TAF8: variants seen among roughly 807,000 people sequenced by gnomAD.
TAF8 encodes TATA-box binding protein associated factor 8.
TAF8 carries 47 observed loss-of-function variants against 36.5 expected under a neutral mutation model. That is an observed-to-expected ratio of 1.29 (90% CI 1.02 to 1.64). The LOEUF is 1.64. Among genes scored for constraint, TAF8 ranks in the 40% most tolerant of loss-of-function variants. TAF8 has a pLI of 0.00. For missense variants in TAF8, 420 were observed against 407.6 expected, an observed-to-expected ratio of 1.03 and a Z score of -0.26; for synonymous variants, 175 against 159.5, an observed-to-expected ratio of 1.10 and a Z score of -0.73.
intron 7 of TAF8, among the ~76,000 whole-genome samples, chr6:42,072,822 A>G (rs2127462228): frequency 6.6e-6 from 1 of 151,862 alleles, no homozygotes; most frequent in Non-Finnish European, 1.5e-5. Context: ...TCCCGGGTTC[A>G]TGCCATTCTC....
rs773049161 is a variant in TAF8, at chr6:42,077,252, C to T, written c.920+13C>T. The T allele has an allele frequency of 3.1e-6, 5 of 1,609,712 alleles. No individual in the cohort carries two copies. Among genetic ancestry groups the T allele is most frequent in the South Asian group, 1.1e-5 (1 of 90,582 alleles). ...TCCGCAGGAAGAAGTGAGTTGGAGG[C>T]TGGGGTCCAGAGAGCCTTCACTGTC... On this transcript the variant is annotated intron_variant, in intron 8 of 8. Coordinates refer to ENST00000372977, the MANE Select transcript of TAF8 (RefSeq NM_138572.3).
rs567510525 is a variant in TAF8, at chr6:42,055,610, G to A, written c.282G>A (p.Val94=). Residue 94 remains valine (V), a synonymous_variant, in exon 3 of 9, where the codon GTG becomes GTA. Coordinates refer to ENST00000372977, the MANE Select transcript of TAF8 (RefSeq NM_138572.3). ...CCCAGCCCACACTGTCCGATATCGT[G>A]GTCACACTTGTTGAGATGGGTGAGT... ...ARTQPTLSDI[V]VTLVEMGFNV... 1 of 1,614,102 alleles carries A rather than the reference G, an allele frequency of 6.2e-7. No individual in the cohort carries two copies. The highest frequency in any genetic ancestry group is 1.3e-5 in the African/African-American group (1 of 75,024).
chr6:42,058,428 AC>A (rs1765081477), intron 5 of TAF8, among the ~76,000 whole-genome samples: 1 of 152,078 alleles, frequency 6.6e-6, no homozygotes, highest in Non-Finnish European at 1.5e-5. Context: ...GGAACTTATC[AC>A]TCTGAGCTCT....
intron 7 of TAF8, among the ~76,000 whole-genome samples, chr6:42,073,536 G>A (rs139555148): frequency 8.5e-4 from 130 of 152,252 alleles, no homozygotes; most frequent in African/African-American, 3.0e-3. Flanking sequence ...TGGGGTGCTC[G>A]GAGTAGGCAT....
rs752136318 is a variant in TAF8 at position 42,066,393 on chromosome 6, A to G, written c.571A>G (p.Thr191Ala). The G allele has an allele frequency of 6.2e-7, 1 of 1,614,194 alleles. No individual in the cohort carries two copies. Among genetic ancestry groups the G allele is most frequent in the South Asian group, 1.1e-5 (1 of 91,080 alleles). ...GAGGCGCGATGTGGAGCGGGCACTT[A>G]CCCGTTTCATGGCCAAGACAGGCGA... Reference protein sequence around the residue: ...SQRRDVERALTRFMAKTGETQ... With the variant: ...SQRRDVERALARFMAKTGETQ... The change falls in exon 6 of 9, where the codon ACC becomes GCC. Residue 191 changes from threonine (T) to alanine (A), a missense_variant. Thr to Ala is a moderately conservative substitution (Grantham distance 58, BLOSUM62 0). Coordinates refer to ENST00000372977, the MANE Select transcript of TAF8 (RefSeq NM_138572.3).
At chr6:42,086,585 A>T, downstream of TAF8, 6 of 887,960 alleles carry the variant, frequency 6.8e-6, no homozygotes, top group Non-Finnish European at 1.1e-5. Flanking sequence ...CAAACCTTTT[A>T]AATCATCACA....
Position 42,079,401 on chromosome 6 carries a change from G to A in TAF8, c.*1856G>A, listed in dbSNP as rs1439329712. ...TTTTAAGGAAGATGCTGGGCATGCT[G>A]ATAGCTTTTCTGGTCTCCTAAGGAA... On this transcript the variant is annotated 3_prime_UTR_variant, in exon 9 of 9. Transcript: ENST00000372977. The A allele has an allele frequency of 1.0e-6, 1 of 985,318 alleles. No homozygotes were observed. Among genetic ancestry groups the A allele is most frequent in the Non-Finnish European group, 1.2e-6 (1 of 829,940 alleles). 61.0% of individuals were successfully genotyped at this position (985,318 alleles called of 1,614,324 possible). A position where few individuals can be genotyped will look rare whatever the true frequency, so the allele number is the denominator to read the frequency against.
intron 2 of TAF8, chr6:42,051,884 T>C (rs10456113): frequency 6.2e-6 from 1 of 162,446 alleles, no homozygotes; most frequent in Non-Finnish European, 1.4e-5. Flanking sequence ...GAGAATCGCT[T>C]GAATCTGGGA....
chr6:42,068,405 T>G (rs1021606136), intron 6 of TAF8, 60 bp from the exon 7 acceptor site: 5 of 1,604,402 alleles, frequency 3.1e-6, no homozygotes, highest in Non-Finnish European at 4.3e-6. Context: ...GCTCTAGGAC[T>G]CTAAGCCAGC....
chr6:42,051,478 C>T lies in TAF8; in HGVS notation c.167C>T (p.Ala56Val), dbSNP rs1431674783. 6.2e-7 allele frequency: 1 copy of T among 1,614,080 alleles called. No homozygotes were observed. Among genetic ancestry groups the T allele is most frequent in the Non-Finnish European group, 8.5e-7 (1 of 1,180,014 alleles). The stretch of plus-strand genomic sequence containing the variant: ...GCAGGGTTTGAGAGTGCCGAGAAAG[C>T]ATCCGTGGAAACGCTGACAGAGATG... Reference protein sequence around the residue: ...TEAGFESAEKASVETLTEMLQ... With the variant: ...TEAGFESAEKVSVETLTEMLQ... The change falls in exon 2 of 9, where the codon GCA becomes GTA. Residue 56 changes from alanine to valine, a missense_variant. Transcript: ENST00000372977.
chr6:42,073,826 C>T (rs1434274388), intron 7 of TAF8, among the ~76,000 whole-genome samples: 3 of 152,114 alleles, frequency 2.0e-5, no homozygotes, highest in Non-Finnish European at 2.9e-5. Context: ...TCGGTAAGAA[C>T]GGACTAGAGA....
chr6:42,051,185 C>T (rs749049167), intron 1 of TAF8, 172 bp from the exon 2 acceptor site: 45 of 1,307,726 alleles, frequency 3.4e-5, no homozygotes, highest in Non-Finnish European at 4.2e-5. Flanking sequence ...ATTTAAAGCA[C>T]CTTGGGTGCT....
intron 3 of TAF8, 22 bp downstream of exon 3, chr6:42,055,651 A>G: frequency 6.3e-7 from 1 of 1,582,112 alleles, no homozygotes; most frequent in South Asian, 1.1e-5. Flanking sequence ...TTCAGTTTCC[A>G]GTTCTTCGAT....
intron 7 of TAF8, among the ~76,000 whole-genome samples, chr6:42,069,567 C>T (rs993516478): frequency 3.9e-5 from 6 of 152,220 alleles, no homozygotes; most frequent in Admixed American, 6.5e-5. Context: ...GAACAACCAC[C>T]GGGTAGAACA....
At position 42,071,311 on chromosome 6, in the gene TAF8, C is replaced by CTTTTTTTT. The variant is rs70987566; in HGVS notation, c.780+2730_780+2737dup. The stretch of plus-strand genomic sequence containing the variant: ...TGAAGGTCTTATTTGCCTGGACATA[C>CTTTTTTTT]TTTTTTTTTTTTTTTTTTTTTTTTT... On this transcript the variant is annotated intron_variant, in intron 7 of 8. Transcript: ENST00000372977. The CTTTTTTTT allele has an allele frequency of 1.3e-4, 16 of 121,726 alleles. 1 individual carries two copies. The highest frequency in any genetic ancestry group is 7.7e-4 in the African/African-American group (14 of 18,274). 7.5% of individuals were successfully genotyped at this position (121,726 alleles called of 1,614,324 possible).
At chr6:42,072,851 C>T (rs569230405) in intron 7 of TAF8, among the ~76,000 whole-genome samples, 88 of 152,020 alleles carry the variant, frequency 5.8e-4, no homozygotes, top group Admixed American at 1.2e-3. Context: ...GCCTCCCCAG[C>T]AGCTAGGACT....
chr6:42,085,241 T>C (rs2492933), downstream of TAF8, among the ~76,000 whole-genome samples: 130,154 of 152,242 alleles, frequency 0.85, 55,781 homozygotes, highest in East Asian at 0.92. Flanking sequence ...TTCATGGCTG[T>C]AGAGTGTTCC....
intron 7 of TAF8, among the ~76,000 whole-genome samples, chr6:42,069,035 G>C (rs1343097698): frequency 6.6e-6 from 1 of 152,028 alleles, no homozygotes; most frequent in Non-Finnish European, 1.5e-5. Flanking sequence ...AGCCATTCTA[G>C]GCAGCAGGGG....
In TAF8 at chr6:42,073,595, G is replaced by A. The variant is rs1223174065; in HGVS notation, c.781-3505G>A. 2.0e-5 allele frequency among the ~76,000 whole-genome samples: 3 copies of A among 152,104 alleles called. No individual in the cohort carries two copies. In the East Asian group the frequency reaches 5.8e-4, roughly 29 times the overall value. ...AGGAGCTTGAAATGGGTGAGGGAGT[G>A]AGCCATGTGGATATCTGGGGAAGAG... On this transcript the variant is annotated intron_variant, in intron 7 of 8. Transcript: ENST00000372977.
Sources: allele counts gnomAD v4.1 joint callset (sites outside exome capture counted in the v4.1 genomes callset), GRCh38; gene constraint gnomAD v4.1.1; transcripts MANE v1.5; gene names NCBI Gene and HGNC (gene_info 2026-07-23, HGNC 2026-07-21).